The following NRG3 variants were observed in gnomAD, a reference collection of about 807,000 sequenced individuals.
NRG3 encodes pro-neuregulin-3, membrane-bound isoform.
In NRG3, 31 loss-of-function variants were observed where a neutral mutation model predicts 66.9. The observed-to-expected ratio is 0.46, with a 90% CI of 0.35 to 0.63. The LOEUF (loss-of-function observed/expected upper bound fraction) is 0.63. Among genes scored for constraint, NRG3 ranks in the 20% least tolerant of loss-of-function variants. NRG3 has a pLI of 0.00. For missense variants in NRG3, 910 were observed against 878.9 expected (o/e 1.04, Z -0.45); for synonymous variants, 393 against 359.4 (o/e 1.09, Z -1.06).
intron 1 of NRG3, among the ~76,000 whole-genome samples, chr10:81,912,956 G>C (rs1197975344): frequency 6.6e-6 from 1 of 152,204 alleles, no homozygotes; most frequent in East Asian, 1.9e-4. Context: ...TTGGTGTTAA[G>C]AGCCTGGCCA....
chr10:82,751,170 G>A (rs1408550517), intron 3 of NRG3, among the ~76,000 whole-genome samples: 1 of 152,148 alleles, frequency 6.6e-6, no homozygotes, highest in Non-Finnish European at 1.5e-5. Context: ...TGAATAAGCT[G>A]TCAGTGGTCA....
chr10:82,716,440 A>G (rs1457881179), intron 2 of NRG3, among the ~76,000 whole-genome samples: 1 of 152,218 alleles, frequency 6.6e-6, no homozygotes, highest in Non-Finnish European at 1.5e-5. Context: ...TAGAGTGAAT[A>G]TAGATCACTT....
chr10:82,470,892 G>A (rs1277174213), intron 2 of NRG3, among the ~76,000 whole-genome samples: 1 of 152,116 alleles, frequency 6.6e-6, no homozygotes, highest in Non-Finnish European at 1.5e-5. Context: ...AGGGACCTCT[G>A]TTTATACAGC....
intron 2 of NRG3, among the ~76,000 whole-genome samples, chr10:82,731,874 A>G (rs768902383): frequency 3.3e-5 from 5 of 152,176 alleles, no homozygotes; most frequent in Non-Finnish European, 7.4e-5. Flanking sequence ...TGGCTTTACT[A>G]ATGACATTCC....
At chr10:81,974,354 A>C (rs996679532) in intron 1 of NRG3, among the ~76,000 whole-genome samples, 1 of 152,162 alleles carries the variant, frequency 6.6e-6, no homozygotes, top group African/African-American at 2.4e-5. Flanking sequence ...CAGAGGAAAA[A>C]TACAAGGATG....
chr10:82,622,860 C>A (rs2049133464), intron 2 of NRG3, among the ~76,000 whole-genome samples: 1 of 152,108 alleles, frequency 6.6e-6, no homozygotes, highest in Non-Finnish European at 1.5e-5. Context: ...CAACTATAGG[C>A]AAGTGGAAGT....
intron 1 of NRG3, among the ~76,000 whole-genome samples, chr10:82,204,684 C>T (rs369002167): frequency 6.6e-6 from 1 of 152,122 alleles, no homozygotes; most frequent in African/African-American, 2.4e-5. Context: ...TTCTTCATTG[C>T]TAGGTATAAA....
At chr10:82,235,947 T>C (rs1318293520) in intron 1 of NRG3, among the ~76,000 whole-genome samples, 1 of 151,906 alleles carries the variant, frequency 6.6e-6, no homozygotes, top group Non-Finnish European at 1.5e-5. Flanking sequence ...TGAACATTAT[T>C]TAGCATGGCC....
At chr10:82,470,512 G>C (rs1426005244) in intron 2 of NRG3, among the ~76,000 whole-genome samples, 1 of 152,246 alleles carries the variant, frequency 6.6e-6, no homozygotes, top group Non-Finnish European at 1.5e-5. Context: ...GAGTTCAATA[G>C]TACTTTGTTA....
In NRG3 at chr10:82,170,339, G is replaced by A. The variant is rs577771774; in HGVS notation, c.824-188400G>A. ...ACAGAGAGAGCAAGCATGTGGCCGG[G>A]TCTTCAGATTAGTAGTTACTTGACT... On this transcript the variant is annotated intron_variant, in intron 1 of 8. Coordinates refer to ENST00000372141, the MANE Select transcript of NRG3 (RefSeq NM_001010848.4). Among the ~76,000 whole-genome samples the A allele has an allele frequency of 3.9e-5, 6 of 152,076 alleles. No individual in the cohort carries two copies. In the East Asian group the frequency reaches 1.2e-3, roughly 29 times the overall value.
chr10:82,812,384 A>G (rs931894355), intron 3 of NRG3, among the ~76,000 whole-genome samples: 1 of 152,220 alleles, frequency 6.6e-6, no homozygotes, highest in Admixed American at 6.5e-5. Context: ...CAACCAACCA[A>G]TGAAGGTTCT....
intron 1 of NRG3, among the ~76,000 whole-genome samples, chr10:82,062,787 G>T (rs12413101): frequency 0.33 from 49,919 of 151,564 alleles, 9,505 homozygotes; most frequent in South Asian, 0.49. Flanking sequence ...TGAAGGGAAG[G>T]TACTGAAGAG....
chr10:82,149,167 A>G (rs936165735), intron 1 of NRG3, among the ~76,000 whole-genome samples: 2 of 152,096 alleles, frequency 1.3e-5, no homozygotes, highest in African/African-American at 4.8e-5. Context: ...TGATAGTTTG[A>G]GGTCTTAAAA....
At position 82,118,602 on chromosome 10, in the gene NRG3, A is replaced by G. The variant is rs1267471337; in HGVS notation, c.824-240137A>G. Among the ~76,000 whole-genome samples the G allele has an allele frequency of 2.0e-5, 3 of 152,160 alleles. 1 individual carries two copies. The highest frequency in any genetic ancestry group is 6.6e-5 in the Admixed American group (1 of 15,262). ...CCTGAACAATTTATCTTTAGGATGT[A>G]TAAAGAAAGTGAGAGACTGCATGAC... On this transcript the variant is annotated intron_variant, in intron 1 of 8. Transcript: ENST00000372141.
intron 2 of NRG3, among the ~76,000 whole-genome samples, chr10:82,409,341 G>C (rs2087869094): frequency 6.6e-6 from 1 of 152,070 alleles, no homozygotes; most frequent in Admixed American, 6.6e-5. Flanking sequence ...TAGTGATTTG[G>C]ATAATGCTTG....
chr10:82,256,839 T>C (rs143810793), intron 1 of NRG3, among the ~76,000 whole-genome samples: 4 of 152,270 alleles, frequency 2.6e-5, no homozygotes, highest in Non-Finnish European at 5.9e-5. Flanking sequence ...GCTGAGTTCT[T>C]ACAGAGAAAG....
intron 1 of NRG3, among the ~76,000 whole-genome samples, chr10:82,243,824 T>C (rs983501745): frequency 6.6e-6 from 1 of 152,184 alleles, no homozygotes; most frequent in East Asian, 1.9e-4. Context: ...TCTTTTCTTT[T>C]GGGTACAATA....
At chr10:82,372,599 A>T (rs555572342) in intron 2 of NRG3, among the ~76,000 whole-genome samples, 1 of 152,260 alleles carries the variant, frequency 6.6e-6, no homozygotes, top group East Asian at 1.9e-4. Flanking sequence ...TTTATTATTC[A>T]TGTATTTATT....
intron 2 of NRG3, among the ~76,000 whole-genome samples, chr10:82,477,223 C>T (rs560469609): frequency 5.3e-5 from 8 of 152,234 alleles, no homozygotes; most frequent in Non-Finnish European, 8.8e-5. Context: ...CAACTGTGAC[C>T]TGAGACATGG....
Sources: gnomAD v4.1 joint callset for allele counts (sites outside exome capture counted in the v4.1 genomes callset) on GRCh38, gnomAD v4.1.1 for gene constraint, MANE v1.5 for transcripts, NCBI Gene and HGNC (gene_info 2026-07-23, HGNC 2026-07-21) for gene names.